MAP9: variants seen among roughly 807,000 people sequenced by gnomAD.
The protein encoded by MAP9 is microtubule-associated protein 9.
In MAP9, 80 loss-of-function variants were observed where a neutral mutation model predicts 75.2. The observed-to-expected ratio is 1.06, with a 90% CI of 0.89 to 1.28. MAP9 has a LOEUF of 1.28. Ranked by LOEUF, MAP9 falls within the 50% of genes most tolerant of loss-of-function variation. The probability of loss-of-function intolerance (pLI) is 0.00; values close to 1 mark genes in which losing one functional copy is unlikely to be tolerated. For synonymous variants in MAP9, 235 were observed against 237.3 expected, an observed-to-expected ratio of 0.99 and a Z score of 0.09; for missense variants, 753 against 719.9, an observed-to-expected ratio of 1.05 and a Z score of -0.53.
At chr4:155,359,196 A>G (rs949187369) in intron 7 of MAP9, among the ~76,000 whole-genome samples, 1 of 139,356 alleles carries the variant, frequency 7.2e-6, no homozygotes, top group Non-Finnish European at 1.5e-5. Flanking sequence ...ATGATTGTAT[A>G]AAGAAAATGT....
At chr4:155,373,847 T>C (rs537673225) in intron 3 of MAP9, among the ~76,000 whole-genome samples, 2 of 152,268 alleles carry the variant, frequency 1.3e-5, no homozygotes, top group East Asian at 3.9e-4. Context: ...TCAAGAACAT[T>C]TGTAAATGGA....
Position 155,346,958 on chromosome 4 carries a change from G to A in MAP9, c.*825C>T, listed in dbSNP as rs1473754298. On this transcript the variant is annotated 3_prime_UTR_variant, in exon 14 of 14. Coordinates refer to ENST00000311277, the MANE Select transcript of MAP9 (RefSeq NM_001039580.2). ...AGGACTAGCTAAGATGACAATAATT[G>A]CCTAAATCACCTTTATGGCTTTAGT... 1.3e-5 allele frequency: 2 copies of A among 152,426 alleles called. No individual in the cohort carries two copies. The highest frequency in any genetic ancestry group is 2.9e-5 in the Non-Finnish European group (2 of 68,032). The allele number at this position is 152,426 out of a possible 1,614,324, so 9.4% of individuals were successfully genotyped here.
At chr4:155,376,132 C>T (rs1732829372) in intron 1 of MAP9, among the ~76,000 whole-genome samples, 1 of 152,136 alleles carries the variant, frequency 6.6e-6, no homozygotes, top group African/African-American at 2.4e-5. Flanking sequence ...TTTGCAACTA[C>T]TTAAAAAGTC....
rs1247054379 is a variant in MAP9 at position 155,344,767 on chromosome 4, TTCA to T, written c.*3013_*3015del. On this transcript the variant is annotated 3_prime_UTR_variant, in exon 14 of 14. Coordinates refer to ENST00000311277, the MANE Select transcript of MAP9 (RefSeq NM_001039580.2). ...TAAGTTAAATAGCATTACCACTTTCTTCATTATTATGAAATTTAAATTCTGTAT... is the reference window on the plus strand; with the variant it reads ...TAAGTTAAATAGCATTACCACTTTCTTTATTATGAAATTTAAATTCTGTAT... The T allele has an allele frequency of 6.6e-6, 1 of 152,002 alleles. No homozygotes were observed. Among genetic ancestry groups the T allele is most frequent in the African/African-American group, 2.4e-5 (1 of 41,452 alleles). 9.4% of individuals were successfully genotyped at this position (152,002 alleles called of 1,614,324 possible).
intron 11 of MAP9, 57 bp from the exon 12 acceptor site, chr4:155,353,114 T>C (rs1731594406): frequency 2.6e-6 from 4 of 1,537,336 alleles, no homozygotes; most frequent in South Asian, 1.3e-5. Context: ...AATAAAAATA[T>C]GGTTAATCAT....
In MAP9 at chr4:155,373,537, T is replaced by A. The variant is rs561213422; in HGVS notation, c.161-81A>T. 1.7e-5 allele frequency: 16 copies of A among 947,814 alleles called. 1 individual carries two copies. In the South Asian group the frequency reaches 3.4e-4, roughly 20 times the overall value. 58.7% of individuals were successfully genotyped at this position (947,814 alleles called of 1,614,324 possible). A position where few individuals can be genotyped will look rare whatever the true frequency, so the allele number is the denominator to read the frequency against. On this transcript the variant is annotated intron_variant, in intron 3 of 13. Coordinates refer to ENST00000311277, the MANE Select transcript of MAP9 (RefSeq NM_001039580.2). ...TACGTTAACTTAATCAAAGTTTACC[T>A]TAAAAGCTACAAACAAAATTCTAAC...
intron 7 of MAP9, among the ~76,000 whole-genome samples, chr4:155,358,766 G>T (rs1349778370): frequency 6.6e-6 from 1 of 151,790 alleles, no homozygotes; most frequent in African/African-American, 2.4e-5. Flanking sequence ...CAAAAAACAT[G>T]AATAGACTTT....
At position 155,352,621 on chromosome 4, in the gene MAP9, G is replaced by T; in HGVS notation, c.1796C>A (p.Ala599Asp). ...RAEKKDKDKQ[A>D]INEYEKWLEN... ...CAGCCATTTTTCATATTCATTAATA[G>T]CTTGTTTATCTTTATCTTTTTTCTC... The change falls in exon 13 of 14, where the codon GCT becomes GAT. Residue 599 changes from alanine to aspartate, a missense_variant. Coordinates refer to ENST00000311277, the MANE Select transcript of MAP9 (RefSeq NM_001039580.2). The T allele has an allele frequency of 1.3e-6, 2 of 1,549,434 alleles. No homozygotes were observed. Among genetic ancestry groups the T allele is most frequent in the Non-Finnish European group, 1.8e-6 (2 of 1,136,916 alleles).
rs1444053582 is a variant in MAP9, at chr4:155,346,878, T to C, written c.*905A>G. 6.6e-6 allele frequency: 1 copy of C among 152,578 alleles called. No individual in the cohort carries two copies. Among genetic ancestry groups the C allele is most frequent in the African/African-American group, 2.4e-5 (1 of 41,442 alleles). 9.5% of individuals were successfully genotyped at this position (152,578 alleles called of 1,614,324 possible). A position where few individuals can be genotyped will look rare whatever the true frequency, so the allele number is the denominator to read the frequency against. ...TAAATAAATAAAGGCTTTGTGGACA[T>C]TGTCAACATATTTACCTTCCCATAC... is the stretch of plus-strand genomic sequence containing the variant. On this transcript the variant is annotated 3_prime_UTR_variant, in exon 14 of 14. Coordinates refer to ENST00000311277, the MANE Select transcript of MAP9 (RefSeq NM_001039580.2).
chr4:155,363,613 C>T (rs917510876), intron 5 of MAP9, among the ~76,000 whole-genome samples: 5 of 151,960 alleles, frequency 3.3e-5, no homozygotes, highest in South Asian at 2.1e-4. Flanking sequence ...AAGTTGAACA[C>T]CACAATAAGT....
chr4:155,353,024 A>G lies in MAP9; in HGVS notation c.1576T>C (p.Tyr526His). 4 of 1,542,270 alleles carry G rather than the reference A, an allele frequency of 2.6e-6. No homozygotes were observed. The South Asian group carries it at 5.0e-5, about 19-fold the overall frequency. Residue 526 changes from tyrosine (Y) to histidine (H), a missense_variant, in exon 12 of 14, where the codon TAT becomes CAT. By Grantham distance (83) the Tyr-to-His change is moderately conservative. Transcript: ENST00000311277. The stretch of plus-strand genomic sequence containing the variant: ...TCCTTTCTATTTTTCTCTTTAAGAT[A>G]TTCCATCTTTTTCTCTTTCCATTTT... The part of the protein sequence containing the change: ...FEKWKEKKME[Y>H]LKEKNRKERE...
intron 5 of MAP9, among the ~76,000 whole-genome samples, chr4:155,363,705 T>C (rs1308911051): frequency 6.6e-6 from 1 of 151,984 alleles, no homozygotes; most frequent in African/African-American, 2.4e-5. Context: ...TGCTGGGCCA[T>C]TAAAACAAAA....
In MAP9 at chr4:155,352,630, T is replaced by G; in HGVS notation, c.1787A>C (p.Asp596Ala). 9.8e-6 allele frequency: 15 copies of G among 1,534,012 alleles called. No individual in the cohort carries two copies. Among genetic ancestry groups the G allele is most frequent in the Non-Finnish European group, 1.2e-5 (14 of 1,120,806 alleles). The change falls in exon 13 of 14, where the codon GAT (aspartate) becomes GCT (alanine). Residue 596 changes from aspartate to alanine, a missense_variant. Physicochemically the swap from Asp to Ala is moderately radical, Grantham distance 126 (BLOSUM62 -2). Transcript: ENST00000311277. ...ELKRAEKKDK[D>A]KQAINEYEKW... ...TTCATATTCATTAATAGCTTGTTTATCTTTATCTTTTTTCTCAGCTCTTTT... is the reference window on the plus strand; with the variant it reads ...TTCATATTCATTAATAGCTTGTTTAGCTTTATCTTTTTTCTCAGCTCTTTT...
In MAP9 at chr4:155,373,333, T is replaced by A; in HGVS notation, c.284A>T (p.Asn95Ile). The change falls in exon 4 of 14, where the codon AAT (asparagine) becomes ATT (isoleucine). Residue 95 changes from asparagine (N) to isoleucine (I), a missense_variant. By Grantham distance (149) the Asn-to-Ile change is moderately radical. Coordinates refer to ENST00000311277, the MANE Select transcript of MAP9 (RefSeq NM_001039580.2). ...NPSKLLFLKT[N>I]KSNGNITKDE... Reference sequence around the variant, plus strand: ...TTTGGTTATGTTACCGTTTGATTTATTGGTTTTCAAAAACAATAGTTTTGA... The same window carrying A: ...TTTGGTTATGTTACCGTTTGATTTAATGGTTTTCAAAAACAATAGTTTTGA... The A allele has an allele frequency of 6.2e-7, 1 of 1,613,714 alleles. No individual in the cohort carries two copies. The highest frequency in any genetic ancestry group is 1.1e-5 in the South Asian group (1 of 90,916).
intron 4 of MAP9, among the ~76,000 whole-genome samples, chr4:155,369,167 A>T (rs548238199): frequency 1.3e-4 from 19 of 151,920 alleles, no homozygotes; most frequent in South Asian, 8.3e-4. Flanking sequence ...CTAAAAATAC[A>T]AAAAAATTAG....
intron 13 of MAP9, among the ~76,000 whole-genome samples, chr4:155,351,434 T>C (rs1366758579): frequency 6.7e-6 from 1 of 149,822 alleles, no homozygotes; most frequent in East Asian, 1.9e-4. Flanking sequence ...TTTTCAACTA[T>C]GCTTGAAAAT....
At chr4:155,348,377 T>C (rs191212719) in intron 13 of MAP9, among the ~76,000 whole-genome samples, 74 of 152,074 alleles carry the variant, frequency 4.9e-4, no homozygotes, top group Non-Finnish European at 9.3e-4. Context: ...AGAAAAAAAT[T>C]AGTAAACATT....
chr4:155,353,467 A>C, intron 10 of MAP9, 127 bp from the exon 11 acceptor site: 1 of 795,678 alleles, frequency 1.3e-6, no homozygotes, highest in Non-Finnish European at 1.7e-6. Context: ...TATACTTAGA[A>C]ATTAACTTTC....
chr4:155,347,801 C>T lies in MAP9; in HGVS notation c.1926G>A (p.Val642=), dbSNP rs751286242. Residue 642 remains valine (V), a synonymous_variant, in exon 14 of 14, where the codon GTG becomes GTA. Transcript: ENST00000311277. ...LPPWSPPSRT[V]FAKVF ...AGAATTATCAAAACACTTTTGCGAA[C>T]ACAGTTCTGCTTGGAGGGCTCCACG... 26 of 1,603,436 alleles carry T rather than the reference C, an allele frequency of 1.6e-5. 1 individual carries two copies. The South Asian group carries it at 2.7e-4, about 17-fold the overall frequency.
Sources: allele counts gnomAD v4.1 joint callset (sites outside exome capture counted in the v4.1 genomes callset), GRCh38; gene constraint gnomAD v4.1.1; transcripts MANE v1.5; gene names NCBI Gene and HGNC (gene_info 2026-07-23, HGNC 2026-07-21).